The following NID1 variants were observed in gnomAD, a reference collection of about 807,000 sequenced individuals.
The protein encoded by NID1 is nidogen-1.
In NID1, 76 loss-of-function variants were observed where a neutral mutation model predicts 130.6. The observed-to-expected ratio is 0.58, with a 90% CI of 0.48 to 0.70. NID1 has a LOEUF of 0.70. NID1 is among the 30% of genes least tolerant of loss of function. NID1 has a pLI of 0.00. For missense variants in NID1, 1,517 were observed against 1,664.8 expected (o/e 0.91, Z 1.54); for synonymous variants, 665 against 675.1 (o/e 0.98, Z 0.23).
At chr1:235,992,007 G>A (rs528776339) in intron 13 of NID1, among the ~76,000 whole-genome samples, 18 of 152,160 alleles carry the variant, frequency 1.2e-4, no homozygotes, top group African/African-American at 4.3e-4. Context: ...TCAACCCCTC[G>A]CCGGGCTCCT....
intron 12 of NID1, among the ~76,000 whole-genome samples, chr1:236,007,832 C>G (rs144088102): frequency 1.3e-5 from 2 of 152,160 alleles, no homozygotes; most frequent in African/African-American, 4.8e-5. Flanking sequence ...GAACTCCTGA[C>G]GCACAGAAAC....
chr1:236,024,021 C>T (rs537272439), intron 9 of NID1, 49 bp downstream of exon 9: 33 of 1,606,080 alleles, frequency 2.1e-5, no homozygotes, highest in Non-Finnish European at 2.7e-5. Flanking sequence ...TGGATGCCTC[C>T]TCCTCGCCTG....
At chr1:235,994,701 T>TC in intron 12 of NID1, among the ~76,000 whole-genome samples, 1 of 59,456 alleles carries the variant, frequency 1.7e-5, no homozygotes, top group Middle Eastern at 7.9e-3. Flanking sequence ...CTTCTTCTTC[T>TC]TTTTTTTTTT....
chr1:236,021,257 T>C (rs531611275), intron 9 of NID1, among the ~76,000 whole-genome samples: 22 of 152,336 alleles, frequency 1.4e-4, no homozygotes, highest in African/African-American at 5.3e-4. Flanking sequence ...TCAGGCTCTT[T>C]GCAGGAAATA....
chr1:236,043,256 C>T (rs150838085), intron 3 of NID1, among the ~76,000 whole-genome samples: 3 of 152,234 alleles, frequency 2.0e-5, no homozygotes, highest in Admixed American at 6.5e-5. Flanking sequence ...GGAAACCCTC[C>T]ATTTATAGCT....
intron 8 of NID1, 90 bp from the exon 9 acceptor site, chr1:236,024,303 G>A: frequency 6.8e-7 from 1 of 1,460,230 alleles, no homozygotes; most frequent in Non-Finnish European, 9.3e-7. Context: ...CAACTGGTGA[G>A]CAAGAAGGTG....
intron 1 of NID1, chr1:236,060,701 T>C (rs1020620146): frequency 1.1e-4 from 16 of 151,820 alleles, no homozygotes; most frequent in Non-Finnish European, 2.1e-4. Context: ...TAGTGGGTTA[T>C]CTGAACTTAT....
At chr1:236,040,398 G>A (rs1434145005) in intron 4 of NID1, among the ~76,000 whole-genome samples, 1 of 152,164 alleles carries the variant, frequency 6.6e-6, no homozygotes, top group Non-Finnish European at 1.5e-5. Context: ...CTCGTCCACA[G>A]TTTGGGATAC....
At chr1:236,008,676 T>C (rs1413465207) in intron 12 of NID1, among the ~76,000 whole-genome samples, 1 of 151,800 alleles carries the variant, frequency 6.6e-6, no homozygotes, top group Admixed American at 6.6e-5. Context: ...AATTTTTTTT[T>C]TTTTTTTGAG....
In NID1 at chr1:236,048,817, C is replaced by T. The variant is rs150636543; in HGVS notation, c.398G>A (p.Arg133Gln). Residue 133 changes from arginine to glutamine, a missense_variant, in exon 2 of 20, where the codon CGA (arginine) becomes CAA (glutamine). By Grantham distance (43) the Arg-to-Gln change is conservative. Coordinates refer to ENST00000264187, the MANE Select transcript of NID1 (RefSeq NM_002508.3). ...CCCTCTGTGGACACACTCTGCTGCT[C>T]GCTGAGTGATGGAGGGGGATAAGTC... ...REDLSPSITQ[R>Q]AAECVHRGFP... 152 of 1,614,140 alleles carry T rather than the reference C, an allele frequency of 9.4e-5. 1 individual carries two copies. The African/African-American group carries it at 1.5e-3, about 16-fold the overall frequency.
chr1:235,979,138 A>G lies in NID1; in HGVS notation c.3510-31T>C, dbSNP rs367915874. ...AAGCACCAAAGGGCAGAAGGTGAAAACACATCTGATGGCTTGAACTTGTAT... is the reference window on the plus strand; with the variant it reads ...AAGCACCAAAGGGCAGAAGGTGAAAGCACATCTGATGGCTTGAACTTGTAT... On this transcript the variant is annotated intron_variant, in intron 18 of 19. Coordinates refer to ENST00000264187, the MANE Select transcript of NID1 (RefSeq NM_002508.3). This position sits in a 1 kb window ranked among gnomAD's most constrained non-coding sequence, Gnocchi z 4.6. The G allele has an allele frequency of 1.2e-5, 17 of 1,391,248 alleles. No homozygotes were observed. Among genetic ancestry groups the G allele is most frequent in the Non-Finnish European group, 1.7e-5 (17 of 977,320 alleles). 86.2% of individuals were successfully genotyped at this position (1,391,248 alleles called of 1,614,324 possible).
At chr1:236,019,598 C>G (rs1658696241) in intron 9 of NID1, among the ~76,000 whole-genome samples, 1 of 152,130 alleles carries the variant, frequency 6.6e-6, no homozygotes, top group Non-Finnish European at 1.5e-5. Context: ...GGGAATGGTT[C>G]CCTAGCACAA....
intron 1 of NID1, among the ~76,000 whole-genome samples, chr1:236,063,831 G>T (rs1018330835): frequency 6.6e-5 from 10 of 152,214 alleles, no homozygotes; most frequent in African/African-American, 2.4e-4. Context: ...GGATCCACAG[G>T]CTTCACCAGT....
intron 12 of NID1, among the ~76,000 whole-genome samples, chr1:236,008,633 T>A (rs138202807): frequency 0.014 from 2,078 of 151,936 alleles, 50 homozygotes; most frequent in African/African-American, 0.048. Flanking sequence ...CCTGAGTAAC[T>A]GGGATTACAG....
intron 14 of NID1, among the ~76,000 whole-genome samples, chr1:235,990,649 C>T (rs561976644): frequency 7.2e-5 from 11 of 152,154 alleles, no homozygotes; most frequent in Non-Finnish European, 1.0e-4. Flanking sequence ...ATATGAGGCT[C>T]TTAAATTGAG....
At chr1:236,055,431 T>G (rs560853244) in intron 1 of NID1, among the ~76,000 whole-genome samples, 1 of 152,242 alleles carries the variant, frequency 6.6e-6, no homozygotes, top group Non-Finnish European at 1.5e-5. Context: ...AATGGATACA[T>G]GGGAGTTCAT....
chr1:236,016,756 A>G (rs2102819642), intron 10 of NID1, among the ~76,000 whole-genome samples: 1 of 152,342 alleles, frequency 6.6e-6, no homozygotes, highest in Middle Eastern at 3.4e-3. Context: ...AATCTAAGAT[A>G]GGTAATGATC....
chr1:235,981,630 C>A lies in NID1; in HGVS notation c.3208G>T (p.Val1070Leu), dbSNP rs755643450. Residue 1070 changes from valine to leucine, a missense_variant, in exon 16 of 20, where the codon GTA becomes TTA. Val to Leu is a conservative substitution (Grantham distance 32). This residue lies in a region of NID1 where 7 missense variants were observed against 24.3 expected (regional missense o/e 0.29). Transcript: ENST00000264187. ...ETDLVNPRGI[V>L]TDSVRGNLYW... Reference sequence around the variant, plus strand: ...AGATACCCTCTCACGGAATCCGTTACAATGCCTCTGGGATTCACCAAGTCA... The same window carrying A: ...AGATACCCTCTCACGGAATCCGTTAAAATGCCTCTGGGATTCACCAAGTCA... The A allele has an allele frequency of 6.2e-7, 1 of 1,612,826 alleles. No homozygotes were observed. Among genetic ancestry groups the A allele is most frequent in the Non-Finnish European group, 8.5e-7 (1 of 1,179,652 alleles).
rs140782170 is a variant in NID1, at chr1:236,042,158, T to C, written c.887A>G (p.Tyr296Cys). The C allele has an allele frequency of 3.9e-5, 63 of 1,613,962 alleles. No individual in the cohort carries two copies. Among genetic ancestry groups the C allele is most frequent in the Middle Eastern group, 1.6e-4 (1 of 6,084 alleles). ...GCCCAGACGAGTGGTCGCCAGGTCA[T>C]AATCTTCATCCTCATCATCATACTC... ...GAEYDDEDEDYDLATTRLGLE... is the reference protein window; with the variant it reads ...GAEYDDEDEDCDLATTRLGLE... Residue 296 changes from tyrosine to cysteine, a missense_variant, in exon 4 of 20, where the codon TAT becomes TGT. By Grantham distance (194) the Tyr-to-Cys change is radical. Transcript: ENST00000264187.
Sources: allele counts gnomAD v4.1 joint callset (sites outside exome capture counted in the v4.1 genomes callset), GRCh38; gene constraint gnomAD v4.1.1; regional missense constraint gnomAD v4.1.1; non-coding constraint Gnocchi (gnomAD v3.1); transcripts MANE v1.5; gene names NCBI Gene and HGNC (gene_info 2026-07-23, HGNC 2026-07-21).